Variants in DDX46 observed in about 807,000 individuals in gnomAD.
DDX46 encodes the protein probable ATP-dependent RNA helicase DDX46.
Under a neutral mutation model 134.9 loss-of-function variants are expected in DDX46, and 30 were observed. The observed-to-expected ratio is 0.22, with a 90% CI of 0.17 to 0.30. The LOEUF is 0.30. Ranked by LOEUF, DDX46 falls within the 10% of genes least tolerant of loss-of-function variation. The pLI, the probability that DDX46 is intolerant of heterozygous loss-of-function variation, is 1.00. For missense variants in DDX46, 622 were observed against 1,248.7 expected (o/e 0.50, Z 7.56); for synonymous variants, 415 against 404.1 (o/e 1.03, Z -0.32).
At chr5:134,790,630 G>T in intron 13 of DDX46, 78 bp downstream of exon 13, 2 of 1,293,704 alleles carry the variant, frequency 1.5e-6, no homozygotes, top group Non-Finnish European at 1.1e-6. Flanking sequence ...TGTTCATGTG[G>T]TTTCTGAAAT....
At chr5:134,802,932 G>T (rs932844194) in intron 15 of DDX46, among the ~76,000 whole-genome samples, 1 of 152,092 alleles carries the variant, frequency 6.6e-6, no homozygotes, top group Non-Finnish European at 1.5e-5. Context: ...CATTAACTTG[G>T]CAGAACCCAG....
At chr5:134,818,417 T>C (rs1278841661) in intron 20 of DDX46, among the ~76,000 whole-genome samples, 3 of 149,758 alleles carry the variant, frequency 2.0e-5, no homozygotes, top group African/African-American at 4.9e-5. Context: ...ATATTGACCA[T>C]AGGGCCCGGT....
intron 11 of DDX46, among the ~76,000 whole-genome samples, chr5:134,787,644 A>G (rs1754378412): frequency 6.6e-6 from 1 of 152,228 alleles, no homozygotes; most frequent in African/African-American, 2.4e-5. Context: ...TTGTATTTAT[A>G]TAAATGCCAA....
At chr5:134,793,089 A>G (rs954938387) in intron 13 of DDX46, among the ~76,000 whole-genome samples, 12 of 152,142 alleles carry the variant, frequency 7.9e-5, no homozygotes, top group African/African-American at 2.9e-4. Context: ...CCTGGGAGAT[A>G]GAGGCTGTGG....
chr5:134,758,912 G>A lies in DDX46; in HGVS notation c.-27G>A. ...GGTTCGCCTGTGCGTGGTACTCAAGGGCACCAGTATTCCCGCGGTCGGCAG... is the reference window on the plus strand; with the variant it reads ...GGTTCGCCTGTGCGTGGTACTCAAGAGCACCAGTATTCCCGCGGTCGGCAG... On this transcript the variant is annotated 5_prime_UTR_variant, in exon 1 of 23. Transcript: ENST00000452510. 6.2e-7 allele frequency: 1 copy of A among 1,613,670 alleles called. No homozygotes were observed. The highest frequency in any genetic ancestry group is 2.2e-5 in the East Asian group (1 of 44,868).
At chr5:134,795,370 T>G (rs543289458) in intron 14 of DDX46, among the ~76,000 whole-genome samples, 3 of 152,200 alleles carry the variant, frequency 2.0e-5, no homozygotes, top group Non-Finnish European at 4.4e-5. Flanking sequence ...ACCACCAGAT[T>G]GCCTAAAGAA....
At chr5:134,773,545 C>A in intron 4 of DDX46, 151 bp from the exon 5 acceptor site, 1 of 685,756 alleles carries the variant, frequency 1.5e-6, no homozygotes, top group Non-Finnish European at 2.2e-6. Context: ...GGTATGTGAT[C>A]TAAGTCTACC....
Position 134,767,011 on chromosome 5 carries a change from C to A in DDX46, c.301C>A (p.Arg101=). 6.2e-7 allele frequency: 1 copy of A among 1,613,868 alleles called. No homozygotes were observed. Among genetic ancestry groups the A allele is most frequent in the Non-Finnish European group, 8.5e-7 (1 of 1,179,956 alleles). ...RRSRSRSRGR[R]SRSSSPGNKS... ...CTCAAGGAGTAGAAGCCGGGGCCGG[C>A]GATCCCGATCCTCCAGTCCTGGAAA... The change falls in exon 3 of 23, where the codon CGA becomes AGA. Residue 101 remains arginine (R), a synonymous_variant. Transcript: ENST00000452510.
At chr5:134,798,946 A>G (rs1289466519) in intron 15 of DDX46, among the ~76,000 whole-genome samples, 1 of 152,246 alleles carries the variant, frequency 6.6e-6, no homozygotes, top group Non-Finnish European at 1.5e-5. Flanking sequence ...TCTTGTCATT[A>G]TTCCCTAAAC....
chr5:134,770,936 A>G lies in DDX46; in HGVS notation c.384A>G (p.Glu128=). 6.3e-7 allele frequency: 1 copy of G among 1,586,512 alleles called. No homozygotes were observed. The highest frequency in any genetic ancestry group is 8.6e-7 in the Non-Finnish European group (1 of 1,168,662). The change falls in exon 4 of 23, where the codon GAA becomes GAG. Residue 128 remains glutamate (E), a synonymous_variant. Coordinates refer to ENST00000452510, the MANE Select transcript of DDX46 (RefSeq NM_001300860.2). ...SRSKEKTDGG[E]SSKEKKKDKD... The stretch of plus-strand genomic sequence containing the variant: ...CCAAAGAGAAAACTGATGGTGGGGA[A>G]AGTTCTAAAGAGAAGAAAAAAGACA...
chr5:134,759,106 C>A, intron 1 of DDX46, 151 bp downstream of exon 1: 1 of 1,252,082 alleles, frequency 8.0e-7, no homozygotes, highest in South Asian at 1.4e-5. Flanking sequence ...TGGGGGACCT[C>A]GGCTGAGGGA....
intron 15 of DDX46, among the ~76,000 whole-genome samples, chr5:134,801,032 C>T (rs150669438): frequency 1.1e-4 from 16 of 152,176 alleles, no homozygotes; most frequent in African/African-American, 3.4e-4. Flanking sequence ...GCCTGTAATC[C>T]CAGCACTTTG....
At position 134,782,029 on chromosome 5, in the gene DDX46, C is replaced by G. The variant is rs1754170603; in HGVS notation, c.988C>G (p.Pro330Ala). The G allele has an allele frequency of 6.2e-7, 1 of 1,601,906 alleles. No individual in the cohort carries two copies. The highest frequency in any genetic ancestry group is 8.5e-7 in the Non-Finnish European group (1 of 1,177,472). Residue 330 changes from proline to alanine, a missense_variant, in exon 8 of 23, where the codon CCA becomes GCA. This residue lies in a region of DDX46 where 63 missense variants were observed against 84.0 expected (regional missense o/e 0.75). Transcript: ENST00000452510. Reference protein sequence around the residue: ...PVDHGKIEYEPFRKNFYVEVP... With the variant: ...PVDHGKIEYEAFRKNFYVEVP... ...TGATCATGGAAAAATTGAGTATGAGCCATTTAGGAAAAACTTCTATGTTGA... is the reference window on the plus strand; with the variant it reads ...TGATCATGGAAAAATTGAGTATGAGGCATTTAGGAAAAACTTCTATGTTGA...
At chr5:134,808,118 C>T (rs918208107) in intron 16 of DDX46, among the ~76,000 whole-genome samples, 177 bp downstream of exon 16, 1 of 152,102 alleles carries the variant, frequency 6.6e-6, no homozygotes, top group Non-Finnish European at 1.5e-5. Flanking sequence ...AAGTGTTGTT[C>T]AAATTATCAG....
chr5:134,786,380 C>G (rs945700923), intron 11 of DDX46, among the ~76,000 whole-genome samples: 1 of 152,084 alleles, frequency 6.6e-6, no homozygotes, highest in African/African-American at 2.4e-5. Flanking sequence ...ATCCCTCCTC[C>G]CTCTTCCCCT....
chr5:134,813,261 T>G (rs1242656734), intron 18 of DDX46, among the ~76,000 whole-genome samples: 2 of 152,188 alleles, frequency 1.3e-5, no homozygotes, highest in Non-Finnish European at 2.9e-5. Context: ...TTTTTTAAAT[T>G]TATCTGTTAC....
intron 18 of DDX46, among the ~76,000 whole-genome samples, chr5:134,813,391 A>G (rs1755202519): frequency 6.6e-6 from 1 of 152,208 alleles, no homozygotes; most frequent in South Asian, 2.1e-4. Context: ...CGCTCGTGAG[A>G]TTGCAGTCAT....
chr5:134,780,108 G>A (rs1028199773), intron 6 of DDX46, among the ~76,000 whole-genome samples: 1 of 134,524 alleles, frequency 7.4e-6, no homozygotes, highest in African/African-American at 2.6e-5. Context: ...ATGTGTGTGT[G>A]TGTGTGTGTG....
Position 134,796,158 on chromosome 5 carries a change from T to G in DDX46, c.1954+8T>G. The G allele has an allele frequency of 6.2e-7, 1 of 1,612,014 alleles. No individual in the cohort carries two copies. Among genetic ancestry groups the G allele is most frequent in the Non-Finnish European group, 8.5e-7 (1 of 1,179,546 alleles). On this transcript the variant is annotated splice_region_variant and intron_variant, in intron 15 of 22. Transcript: ENST00000452510. ...GCATGTCTCTTCATGGAGGTAATTA[T>G]TCACTTGATTCACACATAAAATATC...
Sources: allele counts gnomAD v4.1 joint callset (sites outside exome capture counted in the v4.1 genomes callset), GRCh38; gene constraint gnomAD v4.1.1; regional missense constraint gnomAD v4.1.1; transcripts MANE v1.5; gene names NCBI Gene and HGNC (gene_info 2026-07-23, HGNC 2026-07-21).